C12orf42: variants seen among roughly 807,000 people sequenced by gnomAD.
The protein encoded by C12orf42 is chromosome 12 open reading frame 42.
A neutral mutation model predicts 21.6 loss-of-function variants in C12orf42; 25 were observed. The ratio of observed to expected loss-of-function variants is 1.16; its 90% CI spans 0.84 to 1.62. The LOEUF (loss-of-function observed/expected upper bound fraction) is 1.62, where lower values mean the gene tolerates loss of function less well. Ranked by LOEUF, C12orf42 falls within the 40% of genes most tolerant of loss-of-function variation. The probability of loss-of-function intolerance (pLI) is 0.00; values close to 1 mark genes in which losing one functional copy is unlikely to be tolerated. For synonymous variants in C12orf42, 174 were observed against 175.0 expected, an observed-to-expected ratio of 0.99 and a Z score of 0.05; for missense variants, 483 against 459.3, an observed-to-expected ratio of 1.05 and a Z score of -0.47.
the C12orf42 span, among the ~76,000 whole-genome samples, chr12:103,191,383 G>A: frequency 1.3e-5 from 2 of 151,476 alleles, no homozygotes; most frequent in African/African-American, 4.8e-5. Flanking sequence ...TGTAATGGTG[G>A]TGCATGAACC....
chr12:103,424,988 G>A (rs934755356), intron 2 of C12orf42, among the ~76,000 whole-genome samples: 5 of 152,112 alleles, frequency 3.3e-5, no homozygotes, highest in Non-Finnish European at 5.9e-5. Flanking sequence ...TGGGAAACTC[G>A]AGCTTAGTGG....
the C12orf42 span, among the ~76,000 whole-genome samples, chr12:103,180,267 T>C: frequency 7.9e-5 from 12 of 152,098 alleles, no homozygotes. Context: ...TATTACAATT[T>C]CATGGCGAGG....
intron 3 of C12orf42, among the ~76,000 whole-genome samples, chr12:103,392,653 C>T (rs2047173454): frequency 6.6e-6 from 1 of 152,176 alleles, no homozygotes; most frequent in African/African-American, 2.4e-5. Flanking sequence ...CATAGACACA[C>T]AACTGATTTC....
intron 2 of C12orf42, among the ~76,000 whole-genome samples, chr12:103,452,955 A>G (rs1276250343): frequency 6.6e-6 from 1 of 152,006 alleles, no homozygotes; most frequent in Non-Finnish European, 1.5e-5. Flanking sequence ...CAGCACACCA[A>G]CATGGCACAT....
chr12:103,276,002 G>A (rs2035751296), intron 5 of C12orf42, among the ~76,000 whole-genome samples: 1 of 152,184 alleles, frequency 6.6e-6, no homozygotes, highest in Non-Finnish European at 1.5e-5. Context: ...GAGCCCAGGA[G>A]TTCAAGGTTA....
the C12orf42 span, among the ~76,000 whole-genome samples, chr12:103,147,688 G>A: frequency 2.3e-4 from 31 of 134,962 alleles, no homozygotes; most frequent in African/African-American, 6.5e-4. Flanking sequence ...CTGTAAAGCC[G>A]CAATTGTGTG....
intron 3 of C12orf42, among the ~76,000 whole-genome samples, chr12:103,379,168 A>G (rs2138150203): frequency 6.6e-6 from 1 of 152,332 alleles, no homozygotes; most frequent in South Asian, 2.1e-4. Context: ...GTTGTTTTCC[A>G]GGGGAAGCAC....
At chr12:103,526,318 A>G in the C12orf42 span, among the ~76,000 whole-genome samples, 1 of 152,182 alleles carries the variant, frequency 6.6e-6, no homozygotes, top group Non-Finnish European at 1.5e-5. Flanking sequence ...ACCAGAACTC[A>G]ATTCTTAAAA....
intron 4 of C12orf42, among the ~76,000 whole-genome samples, chr12:103,323,638 A>C (rs2136924346): frequency 6.6e-6 from 1 of 152,384 alleles, no homozygotes; most frequent in South Asian, 2.1e-4. Context: ...GAGACTTCTG[A>C]TGCTCACTAT....
At chr12:103,247,493 C>G (rs1408612457) in intron 10 of C12orf42, among the ~76,000 whole-genome samples, 2 of 152,016 alleles carry the variant, frequency 1.3e-5, no homozygotes, top group African/African-American at 4.8e-5. Context: ...ATTCATCATT[C>G]TATTTAGGGA....
the C12orf42 span, among the ~76,000 whole-genome samples, chr12:103,218,794 AC>A: frequency 6.6e-6 from 1 of 152,234 alleles, no homozygotes; most frequent in Admixed American, 6.5e-5. Flanking sequence ...CAGTAGATTG[AC>A]CTTTCCAATT....
chr12:103,166,181 C>CT, the C12orf42 span, among the ~76,000 whole-genome samples: 1 of 152,164 alleles, frequency 6.6e-6, no homozygotes, highest in African/African-American at 2.4e-5. Context: ...AGCAAGGACT[C>CT]TGAGACCTTG....
chr12:103,403,024 A>G (rs1217500766), intron 2 of C12orf42, among the ~76,000 whole-genome samples: 1 of 152,174 alleles, frequency 6.6e-6, no homozygotes, highest in African/African-American at 2.4e-5. Context: ...TCTTCTACCT[A>G]GTATCCCTGA....
At chr12:103,498,563 G>A (rs141376511), upstream of C12orf42, among the ~76,000 whole-genome samples, 540 of 152,196 alleles carry the variant, frequency 3.5e-3, 5 homozygotes, top group African/African-American at 0.012. Flanking sequence ...AGTCACAGAA[G>A]GACAAACACT....
intron 4 of C12orf42, among the ~76,000 whole-genome samples, chr12:103,327,203 C>T (rs557421112): frequency 6.6e-6 from 1 of 152,164 alleles, no homozygotes; most frequent in South Asian, 2.1e-4. Context: ...CGAGTTTCTC[C>T]CTAAAGAAGT....
downstream of C12orf42, chr12:103,267,583 T>A (rs2035233446): frequency 6.6e-6 from 1 of 152,132 alleles, no homozygotes; most frequent in African/African-American, 2.4e-5. Context: ...TAATAAACCT[T>A]TCAAAGTAAT....
intron 1 of C12orf42, among the ~76,000 whole-genome samples, chr12:103,485,059 C>T (rs997473150): frequency 5.9e-5 from 9 of 151,868 alleles, no homozygotes; most frequent in South Asian, 4.2e-4. Flanking sequence ...TTGGTAGAGA[C>T]GGGGTTTCAC....
At chr12:103,391,103 T>C (rs1345843431) in intron 3 of C12orf42, among the ~76,000 whole-genome samples, 1 of 152,206 alleles carries the variant, frequency 6.6e-6, no homozygotes, top group Non-Finnish European at 1.5e-5. Flanking sequence ...AATATTTCCA[T>C]GGTTCATCCA....
At chr12:103,282,426 T>C (rs2036195263) in intron 4 of C12orf42, among the ~76,000 whole-genome samples, 1 of 152,218 alleles carries the variant, frequency 6.6e-6, no homozygotes, top group Non-Finnish European at 1.5e-5. Context: ...TGTTTAGATA[T>C]GTTTAGATAC....
Sources: gnomAD v4.1 joint callset for allele counts (sites outside exome capture counted in the v4.1 genomes callset) on GRCh38, gnomAD v4.1.1 for gene constraint, MANE v1.5 for transcripts, NCBI Gene and HGNC (gene_info 2026-07-23, HGNC 2026-07-21) for gene names.